RNF135: variants seen among roughly 807,000 people sequenced by gnomAD.
RNF135 encodes E3 ubiquitin-protein ligase RNF135.
A neutral mutation model predicts 41.9 loss-of-function variants in RNF135; 46 were observed. The ratio of observed to expected loss-of-function variants is 1.10; its 90% confidence interval spans 0.87 to 1.40. The LOEUF is 1.40. RNF135 is among the 40% of genes most tolerant of loss of function. The probability of loss-of-function intolerance (pLI) is 0.00; values close to 1 mark genes in which losing one functional copy is unlikely to be tolerated. For synonymous variants in RNF135, 238 were observed against 223.8 expected (o/e 1.06, Z -0.57); for missense variants, 539 against 549.8 (o/e 0.98, Z 0.20).
At chr17:30,966,232 G>A (rs967100529), upstream of RNF135, among the ~76,000 whole-genome samples, 11 of 152,118 alleles carry the variant, frequency 7.2e-5, no homozygotes, top group African/African-American at 2.2e-4. Flanking sequence ...CCCCAGGAAT[G>A]AGCGAAGACA....
At chr17:30,994,094 G>A (rs1453067325) in intron 3 of RNF135, among the ~76,000 whole-genome samples, 1 of 152,108 alleles carries the variant, frequency 6.6e-6, no homozygotes, top group Non-Finnish European at 1.5e-5. Flanking sequence ...CGTGAGCCAC[G>A]GTGCCCAGCC....
intron 2 of RNF135, among the ~76,000 whole-genome samples, chr17:30,985,810 A>T (rs1326005625): frequency 1.3e-5 from 2 of 152,126 alleles, no homozygotes; most frequent in African/African-American, 4.8e-5. Context: ...GCCCTGTAGG[A>T]TCCCATCTCT....
At chr17:30,960,730 ATTTAT>A in the RNF135 span, among the ~76,000 whole-genome samples, 6 of 135,332 alleles carry the variant, frequency 4.4e-5, no homozygotes, top group Non-Finnish European at 6.0e-5. Flanking sequence ...ATTTTATTTT[ATTTAT>A]TTTATTTTAT....
chr17:30,971,786 T>A (rs1905979264), intron 1 of RNF135: 1 of 1,000,484 alleles, frequency 1.0e-6, no homozygotes, highest in Admixed American at 5.2e-5. Context: ...ATTTTAACCT[T>A]TTTCTTTATT....
At chr17:30,988,520 T>A (rs1313786757) in intron 3 of RNF135, among the ~76,000 whole-genome samples, 11 of 135,520 alleles carry the variant, frequency 8.1e-5, no homozygotes, top group Middle Eastern at 4.1e-3. Flanking sequence ...CTCTGCCTCC[T>A]GGGTTCATGC....
rs1302183721 is a variant in RNF135 at position 30,976,705 on chromosome 17, CTTTT to C, written c.372+5261_372+5264del. On this transcript the variant is annotated intron_variant, in intron 1 of 4. Transcript: ENST00000328381. Reference sequence around the variant, plus strand: ...TTGACTCCATCATTATAAACTTTGTCTTTTATTATAGATTTTGTTTTGAAATCTA... The same window carrying C: ...TTGACTCCATCATTATAAACTTTGTCATTATAGATTTTGTTTTGAAATCTA... 5.2e-3 allele frequency among the ~76,000 whole-genome samples: 799 copies of C among 152,196 alleles called. 10 individuals are homozygous for C. Among genetic ancestry groups the C allele is most frequent in the African/African-American group, 0.018 (761 of 41,510 alleles).
chr17:30,997,171 A>G, intron 3 of RNF135, 71 bp from the exon 4 acceptor site: 1 of 1,165,092 alleles, frequency 8.6e-7, no homozygotes, highest in East Asian at 2.4e-5. Context: ...TGCCTTGACC[A>G]TGATGTTTGG....
At chr17:30,997,144 A>G in intron 3 of RNF135, 98 bp from the exon 4 acceptor site, 2 of 937,350 alleles carry the variant, frequency 2.1e-6, no homozygotes. Context: ...AGATGATAAG[A>G]AGACAAGCCA....
intron 3 of RNF135, among the ~76,000 whole-genome samples, chr17:30,989,628 T>C (rs188476856): frequency 2.0e-5 from 3 of 152,308 alleles, no homozygotes; most frequent in African/African-American, 7.2e-5. Context: ...TTTAGAGGCA[T>C]TTCTTCTGTA....
At position 30,975,706 on chromosome 17, in the gene RNF135, A is replaced by ACC. The variant is rs1026132637; in HGVS notation, c.372+4263_372+4264dup. 17 of 1,420,770 alleles carry ACC rather than the reference A, an allele frequency of 1.2e-5. No homozygotes were observed. In the African/African-American group the frequency reaches 1.3e-4, roughly 11 times the overall value. The allele number at this position is 1,420,770 out of a possible 1,614,324, so 88.0% of individuals were successfully genotyped here. A position where few individuals can be genotyped will look rare whatever the true frequency, so the allele number is the denominator to read the frequency against. On this transcript the variant is annotated intron_variant, in intron 1 of 4. Transcript: ENST00000328381. The stretch of plus-strand genomic sequence containing the variant: ...TCGGCCTGAGAAATGCAGACACACT[A>ACC]CCCAGATTGCCCAACACTGCTCACC...
intron 3 of RNF135, among the ~76,000 whole-genome samples, chr17:30,990,911 A>G (rs905969235): frequency 5.3e-5 from 8 of 152,208 alleles, no homozygotes; most frequent in African/African-American, 1.9e-4. Flanking sequence ...CTGCAGATGA[A>G]TACGTGATTG....
At chr17:30,983,341 ATATATATATATATTT>A (rs1272506453) in intron 1 of RNF135, among the ~76,000 whole-genome samples, 5 of 31,792 alleles carry the variant, frequency 1.6e-4, no homozygotes, top group South Asian at 1.1e-3. Context: ...ATATATATAT[ATATATATATATATTT>A]TTTTTTTTTT....
chr17:30,968,076 C>T (rs959774285), upstream of RNF135, among the ~76,000 whole-genome samples: 2 of 151,822 alleles, frequency 1.3e-5, no homozygotes, highest in Non-Finnish European at 2.9e-5. Flanking sequence ...TCGAGACAAG[C>T]CTGGCCAACA....
intron 3 of RNF135, 65 bp downstream of exon 3, chr17:30,988,171 C>T: frequency 1.3e-6 from 2 of 1,486,724 alleles, no homozygotes; most frequent in Admixed American, 3.5e-5. Context: ...GCAGAGTGCT[C>T]TATGGCTTTG....
chr17:30,968,864 TTTTTTAA>T (rs1430492686), upstream of RNF135: 3 of 152,292 alleles, frequency 2.0e-5, no homozygotes, highest in East Asian at 1.9e-4. Flanking sequence ...TTTTATTTTA[TTTTTTAA>T]TTTTTAATTT....
rs1199147171 is a variant in RNF135, at chr17:30,981,044, C to T, written c.373-3573C>T. 3.9e-3 allele frequency among the ~76,000 whole-genome samples: 578 copies of T among 146,574 alleles called. 4 individuals are homozygous for T. Among genetic ancestry groups the T allele is most frequent in the African/African-American group, 0.014 (555 of 38,436 alleles). ...AGGTGGTTGTAGCGAGCCGAGATCA[C>T]GCCACTGCACTCCAGCCTGGGCACC... On this transcript the variant is annotated intron_variant, in intron 1 of 4. Transcript: ENST00000328381.
intron 1 of RNF135, among the ~76,000 whole-genome samples, chr17:30,983,351 A>ATTTTTTTTTTTT (rs1907343009): frequency 1.9e-4 from 8 of 42,042 alleles, no homozygotes; most frequent in African/African-American, 7.7e-4. Flanking sequence ...ATATATATAT[A>ATTTTTTTTTTTT]TATTTTTTTT....
chr17:30,970,958 G>A, upstream of RNF135: 1 of 1,416,514 alleles, frequency 7.1e-7, no homozygotes. Context: ...AAGGAAGGAG[G>A]AGAAAAGGCG....
intron 1 of RNF135, among the ~76,000 whole-genome samples, chr17:30,981,037 G>A (rs1479624572): frequency 1.4e-5 from 2 of 146,432 alleles, no homozygotes; most frequent in East Asian, 2.0e-4. Context: ...GTAGCGAGCC[G>A]AGATCACGCC....
Sources: allele counts gnomAD v4.1 joint callset (sites outside exome capture counted in the v4.1 genomes callset), GRCh38; gene constraint gnomAD v4.1.1; transcripts MANE v1.5; gene names NCBI Gene and HGNC (gene_info 2026-07-23, HGNC 2026-07-21).